Variants in TPP2 observed in about 807,000 individuals in gnomAD.
The protein encoded by TPP2 is tripeptidyl-peptidase 2.
Under a neutral mutation model 155.9 loss-of-function variants are expected in TPP2, and 34 were observed. The ratio of observed to expected loss-of-function variants is 0.22; its 90% CI spans 0.17 to 0.29. TPP2 has a LOEUF of 0.29. TPP2 is among the 10% of genes least tolerant of loss of function. TPP2 has a pLI of 1.00. For missense variants in TPP2, 1,028 were observed against 1,522.3 expected (o/e 0.68, Z 5.40); for synonymous variants, 510 against 529.4 (o/e 0.96, Z 0.50).
In TPP2 at chr13:102,597,061, A is replaced by C; in HGVS notation, c.23A>C (p.Glu8Ala). 6.2e-7 allele frequency: 1 copy of C among 1,611,830 alleles called. No homozygotes were observed. Among genetic ancestry groups the C allele is most frequent in the Non-Finnish European group, 8.5e-7 (1 of 1,179,486 alleles). The change falls in exon 1 of 30, where the codon GAG becomes GCG. Residue 8 changes from glutamate (E) to alanine (A), a missense_variant. By Grantham distance (107) the Glu-to-Ala change is moderately radical (BLOSUM62 -1). Around this residue, in one of 7 missense-constraint regions of TPP2, gnomAD observed 300 missense variants for 398.3 expected, o/e 0.75. Coordinates refer to ENST00000376052, the MANE Select transcript of TPP2 (RefSeq NM_001330588.2). The part of the protein sequence containing the change: MATAATE[E>A]PFPFHGLLPK... ...TCCATGGCCACCGCTGCGACTGAGGAGCCCTTCCCTTTTCACGGTCTCCTG... is the reference window on the plus strand; with the variant it reads ...TCCATGGCCACCGCTGCGACTGAGGCGCCCTTCCCTTTTCACGGTCTCCTG...
In TPP2 at chr13:102,644,928, A is replaced by C. The variant is rs758760400; in HGVS notation, c.2312A>C (p.Asn771Thr). ...QLNIHASEGINRFDVQSSLKY... is the reference protein window; with the variant it reads ...QLNIHASEGITRFDVQSSLKY... ...TTGTAGCATGCATCGGAAGGAATCA[A>C]CCGCTTTGATGTTCAGTCCTCCTTG... The change falls in exon 19 of 30, where the codon AAC becomes ACC. Residue 771 changes from asparagine (N) to threonine (T), a missense_variant. Coordinates refer to ENST00000376052, the MANE Select transcript of TPP2 (RefSeq NM_001330588.2). The C allele has an allele frequency of 1.9e-6, 3 of 1,614,022 alleles. No individual in the cohort carries two copies. Among genetic ancestry groups the C allele is most frequent in the Non-Finnish European group, 2.5e-6 (3 of 1,179,932 alleles).
intron 27 of TPP2, among the ~76,000 whole-genome samples, chr13:102,672,717 G>A (rs1657193145): frequency 6.6e-6 from 1 of 152,200 alleles, no homozygotes; most frequent in African/African-American, 2.4e-5. Flanking sequence ...ATTTAAGGAT[G>A]GCACCTGGCA....
intron 27 of TPP2, chr13:102,667,842 G>A: frequency 2.0e-6 from 2 of 985,664 alleles, no homozygotes; most frequent in East Asian, 1.1e-4. Context: ...CTGCCCTGCA[G>A]ACTCTGGCCG....
rs1882994669 is a variant in TPP2 at position 102,644,805 on chromosome 13, G to A, written c.2293-104G>A. ...TTCTGAAGATAGCAGTAGGCTTTGT[G>A]TGTGGGTACTTATAAACTTTATATT... is the stretch of plus-strand genomic sequence containing the variant. On this transcript the variant is annotated intron_variant, in intron 18 of 29. Coordinates refer to ENST00000376052, the MANE Select transcript of TPP2 (RefSeq NM_001330588.2). 50 of 1,428,590 alleles carry A rather than the reference G, an allele frequency of 3.5e-5. No homozygotes were observed. The East Asian group carries it at 1.1e-3, about 31-fold the overall frequency. The allele number at this position is 1,428,590 out of a possible 1,614,324, so 88.5% of individuals were successfully genotyped here. A position where few individuals can be genotyped will look rare whatever the true frequency, so the allele number is the denominator to read the frequency against.
chr13:102,627,079 G>C lies in TPP2; in HGVS notation c.852G>C (p.Gly284=). Residue 284 remains glycine, a synonymous_variant, in exon 7 of 30, where the codon GGG becomes GGC. Coordinates refer to ENST00000376052, the MANE Select transcript of TPP2 (RefSeq NM_001330588.2). ...GHFPEEPERN[G]VAPGAQILSI... is the part of the protein sequence containing the mutation. ...TTCCAGAAGAACCTGAACGGAATGG[G>C]GTAGCTCCTGGTGCTCAAATTCTTT... The C allele has an allele frequency of 1.3e-6, 2 of 1,599,472 alleles. No individual in the cohort carries two copies. The highest frequency in any genetic ancestry group is 1.7e-6 in the Non-Finnish European group (2 of 1,172,854).
chr13:102,670,025 C>T (rs959779437), intron 27 of TPP2, among the ~76,000 whole-genome samples: 1 of 152,060 alleles, frequency 6.6e-6, no homozygotes, highest in Non-Finnish European at 1.5e-5. Context: ...GTCTCTAGGG[C>T]CAGTATTAAG....
intron 2 of TPP2, among the ~76,000 whole-genome samples, chr13:102,610,983 A>G (rs556446959): frequency 3.3e-5 from 5 of 152,244 alleles, no homozygotes; most frequent in African/African-American, 7.2e-5. Context: ...TAGTTTTACC[A>G]TATCTGTGTG....
In TPP2 at chr13:102,653,458, T is replaced by G. The variant is rs145447152; in HGVS notation, c.2991+2061T>G. ...TCCAGGCTAGAGTACAGTGGCATGA[T>G]CGTAGCTCACTGTTGCCTCCAGCTC... On this transcript the variant is annotated intron_variant, in intron 24 of 29. Transcript: ENST00000376052. Among the ~76,000 whole-genome samples the G allele has an allele frequency of 4.1e-4, 62 of 152,298 alleles. 1 individual carries two copies. The highest frequency in any genetic ancestry group is 1.4e-3 in the African/African-American group (57 of 41,572).
At position 102,648,505 on chromosome 13, in the gene TPP2, C is replaced by T. The variant is rs1883284734; in HGVS notation, c.2629-402C>T. On this transcript the variant is annotated intron_variant, in intron 21 of 29. Coordinates refer to ENST00000376052, the MANE Select transcript of TPP2 (RefSeq NM_001330588.2). ...TATTCTATGGTGCCTCAATTTTGCT[C>T]ATTTTTTTGGTAGTGTTTCTTATAT... Among the ~76,000 whole-genome samples, 4 of 151,084 alleles carry T rather than the reference C, an allele frequency of 2.6e-5. No homozygotes were observed. The South Asian group carries it at 8.4e-4, about 32-fold the overall frequency.
intron 4 of TPP2, among the ~76,000 whole-genome samples, chr13:102,616,962 G>A (rs1024733786): frequency 6.6e-6 from 1 of 151,630 alleles, no homozygotes; most frequent in Non-Finnish European, 1.5e-5. Context: ...CCAGGCTGGA[G>A]TGCAGTGGTG....
Position 102,674,448 on chromosome 13 carries a change from A to G in TPP2, c.3537A>G (p.Thr1179=). ...GESPLDSLAE[T]FWETTKWTDL... Reference sequence around the variant, plus strand: ...GTCCTTTGGATTCTCTGGCAGAAACATTTTGGGAAACTACTAAATGGACTG... The same window carrying G: ...GTCCTTTGGATTCTCTGGCAGAAACGTTTTGGGAAACTACTAAATGGACTG... The change falls in exon 28 of 30, where the codon ACA becomes ACG. Residue 1179 remains threonine, a synonymous_variant. Coordinates refer to ENST00000376052, the MANE Select transcript of TPP2 (RefSeq NM_001330588.2). 6.2e-7 allele frequency: 1 copy of G among 1,613,856 alleles called. No individual in the cohort carries two copies.
intron 24 of TPP2, 56 bp downstream of exon 24, chr13:102,651,453 C>G: frequency 6.5e-7 from 1 of 1,533,548 alleles, no homozygotes; most frequent in Non-Finnish European, 8.8e-7. Context: ...GCATATTAAA[C>G]TTTTTTCTGT....
intron 17 of TPP2, among the ~76,000 whole-genome samples, chr13:102,643,621 G>A (rs900371795): frequency 6.6e-6 from 1 of 152,164 alleles, no homozygotes; most frequent in Non-Finnish European, 1.5e-5. Flanking sequence ...TAGTCTGGTA[G>A]ATTCTCGTGC....
chr13:102,653,311 C>A (rs140432270), intron 24 of TPP2, among the ~76,000 whole-genome samples: 1 of 152,052 alleles, frequency 6.6e-6, no homozygotes, highest in East Asian at 1.9e-4. Flanking sequence ...AGATTTTTTC[C>A]TCTGGGTTTC....
intron 11 of TPP2, among the ~76,000 whole-genome samples, chr13:102,634,597 G>T (rs532883435): frequency 1.3e-5 from 2 of 152,038 alleles, no homozygotes; most frequent in African/African-American, 4.8e-5. Flanking sequence ...CCTCAGAAAC[G>T]TCCCTCTTTA....
intron 28 of TPP2, 33 bp downstream of exon 28, chr13:102,674,523 C>T: frequency 6.2e-7 from 1 of 1,608,824 alleles, no homozygotes; most frequent in Non-Finnish European, 8.5e-7. Context: ...CAGCAAAGTT[C>T]TTGGGGTTAC....
At chr13:102,672,628 C>T (rs1299608929) in intron 27 of TPP2, among the ~76,000 whole-genome samples, 1 of 152,154 alleles carries the variant, frequency 6.6e-6, no homozygotes, top group Non-Finnish European at 1.5e-5. Flanking sequence ...GCCCCTTTCT[C>T]CTTCACAAAA....
chr13:102,612,136 TA>T (rs1880372989), intron 2 of TPP2, among the ~76,000 whole-genome samples: 1 of 152,306 alleles, frequency 6.6e-6, no homozygotes, highest in African/African-American at 2.4e-5. Context: ...AAAATAAAGA[TA>T]AATCCAGGCA....
At chr13:102,634,556 T>A (rs1419938369) in intron 11 of TPP2, among the ~76,000 whole-genome samples, 3 of 152,132 alleles carry the variant, frequency 2.0e-5, no homozygotes, top group African/African-American at 7.2e-5. Context: ...GGACTCAGAT[T>A]TAGGGTAGCC....
Sources: allele counts gnomAD v4.1 joint callset (sites outside exome capture counted in the v4.1 genomes callset), GRCh38; gene constraint gnomAD v4.1.1; regional missense constraint gnomAD v4.1.1; transcripts MANE v1.5; gene names NCBI Gene and HGNC (gene_info 2026-07-23, HGNC 2026-07-21).